RNF212: variants seen among roughly 807,000 people sequenced by gnomAD.
The protein encoded by RNF212 is probable E3 SUMO-protein ligase RNF212.
RNF212 carries 33 observed loss-of-function variants against 34.7 expected under a neutral mutation model. The observed-to-expected ratio is 0.95, with a 90% CI of 0.72 to 1.27. The LOEUF (loss-of-function observed/expected upper bound fraction) is 1.27, where lower values mean the gene tolerates loss of function less well. RNF212 is among the 50% of genes most tolerant of loss of function. RNF212 has a pLI of 0.00. For synonymous variants in RNF212, 140 were observed against 136.1 expected (o/e 1.03, Z -0.20); for missense variants, 377 against 362.2 (o/e 1.04, Z -0.33).
intron 1 of RNF212, among the ~76,000 whole-genome samples, chr4:1,111,295 G>T (rs1162087881): frequency 3.3e-5 from 5 of 152,052 alleles, no homozygotes; most frequent in Non-Finnish European, 7.4e-5. Context: ...CAATATCTAG[G>T]ATTATAGGAT....
chr4:1,113,522 G>A lies in RNF212; in HGVS notation c.-58C>T. On this transcript the variant is annotated 5_prime_UTR_variant, in exon 1 of 10. Coordinates refer to ENST00000433731, the MANE Select transcript of RNF212 (RefSeq NM_001131034.4). ...CCCACGCGAAGCCCACGCAAGGTTG[G>A]GACCAGCCTCCCCGCGCAGGGCCCG... is the stretch of plus-strand genomic sequence containing the variant. 1 of 1,445,496 alleles carries A rather than the reference G, an allele frequency of 6.9e-7. No individual in the cohort carries two copies. The highest frequency in any genetic ancestry group is 9.5e-7 in the Non-Finnish European group (1 of 1,047,586). The allele number at this position is 1,445,496 out of a possible 1,614,324, so 89.5% of individuals were successfully genotyped here.
chr4:1,075,620 T>A (rs1307748930), intron 8 of RNF212, among the ~76,000 whole-genome samples: 2 of 152,230 alleles, frequency 1.3e-5, no homozygotes, highest in African/African-American at 4.8e-5. Flanking sequence ...TAATTCCACA[T>A]GAGATTCGGG....
At chr4:1,097,989 C>T (rs1256227002) in intron 2 of RNF212, among the ~76,000 whole-genome samples, 7 of 152,192 alleles carry the variant, frequency 4.6e-5, no homozygotes, top group African/African-American at 7.2e-5. Flanking sequence ...CGCTTGAACC[C>T]GGGAGGTGGA....
At chr4:1,079,878 G>A (rs1019714010) in intron 7 of RNF212, among the ~76,000 whole-genome samples, 190 bp from the exon 8 acceptor site, 2 of 152,336 alleles carry the variant, frequency 1.3e-5, no homozygotes, top group African/African-American at 2.4e-5. Context: ...GCCACCCGCC[G>A]TCTGTACTGG....
intron 8 of RNF212, among the ~76,000 whole-genome samples, chr4:1,076,080 G>C (rs1033046219): frequency 9.2e-5 from 14 of 152,192 alleles, no homozygotes; most frequent in African/African-American, 3.4e-4. Flanking sequence ...AAAATGCCAT[G>C]CTCATTTAAG....
Position 1,096,777 on chromosome 4 carries a change from C to A in RNF212, c.234G>T (p.Arg78Ser). ...CCTCACAGCTCACCTGGGAGGTTTC[C>A]CTGGAGTACTTCTTACACAGACTGT... ...SIDSLCKKYSRETSQILEFQE... is the reference protein window; with the variant it reads ...SIDSLCKKYSSETSQILEFQE... The change falls in exon 3 of 10, where the codon AGG becomes AGT. Residue 78 changes from arginine to serine, a missense_variant. Physicochemically the swap from Arg to Ser is moderately radical, Grantham distance 110 (BLOSUM62 -1). Coordinates refer to ENST00000433731, the MANE Select transcript of RNF212 (RefSeq NM_001131034.4). 6.2e-7 allele frequency: 1 copy of A among 1,613,576 alleles called. No homozygotes were observed. The highest frequency in any genetic ancestry group is 8.5e-7 in the Non-Finnish European group (1 of 1,179,450).
chr4:1,079,534 CAA>C, intron 8 of RNF212, 107 bp downstream of exon 8: 1 of 812,734 alleles, frequency 1.2e-6, no homozygotes, highest in Admixed American at 1.7e-5. Flanking sequence ...CAGCACTGTG[CAA>C]AGTCTGTCTA....
chr4:1,091,620 C>T (rs911329228), intron 3 of RNF212, among the ~76,000 whole-genome samples: 1 of 152,164 alleles, frequency 6.6e-6, no homozygotes, highest in Non-Finnish European at 1.5e-5. Context: ...GCCTTGTCTG[C>T]CCATGGCTCA....
rs1272940733 is a variant in RNF212 at position 1,058,348 on chromosome 4, C to T, written n.193G>A. ...GAGAGGCTTTCCCATGCTCCTCTGA[C>T]TCGTTGTCAGGCCGGGATGCTCGGG... On this transcript the variant is annotated non_coding_transcript_exon_variant, in exon 4 of 5. Transcript: ENST00000503206. 38 of 982,844 alleles carry T rather than the reference C, an allele frequency of 3.9e-5. 4 individuals carry two copies. Among genetic ancestry groups the T allele is most frequent in the Non-Finnish European group, 4.1e-5 (34 of 827,646 alleles). The allele number at this position is 982,844 out of a possible 1,614,324, so 60.9% of individuals were successfully genotyped here.
In RNF212 at chr4:1,091,683, C is replaced by T. The variant is rs1245846850; in HGVS notation, c.247-845G>A. On this transcript the variant is annotated intron_variant, in intron 3 of 9. Coordinates refer to ENST00000433731, the MANE Select transcript of RNF212 (RefSeq NM_001131034.4). ...TTCTTCCCTCCTGTGGAAAGACAGG[C>T]CCAGCACATGCCAGGCCTTTGTTCC... Among the ~76,000 whole-genome samples, 7 of 152,234 alleles carry T rather than the reference C, an allele frequency of 4.6e-5. No individual in the cohort carries two copies. The East Asian group carries it at 9.6e-4, about 21-fold the overall frequency.
At chr4:1,102,853 A>C (rs1172212679) in intron 2 of RNF212, among the ~76,000 whole-genome samples, 2 of 151,258 alleles carry the variant, frequency 1.3e-5, no homozygotes, top group African/African-American at 4.9e-5. Context: ...CTCCGTCTCA[A>C]AAAAAAGGCC....
intron 2 of RNF212, among the ~76,000 whole-genome samples, chr4:1,107,615 A>G (rs1476523760): frequency 6.6e-6 from 1 of 150,710 alleles, no homozygotes; most frequent in Non-Finnish European, 1.5e-5. Flanking sequence ...ACGCCCAACT[A>G]ATTTTTTTGT....
chr4:1,107,879 A>T (rs1238876712), intron 2 of RNF212, among the ~76,000 whole-genome samples: 1 of 152,276 alleles, frequency 6.6e-6, no homozygotes, highest in Non-Finnish European at 1.5e-5. Context: ...TTTGGAGATC[A>T]GGCAGAGAAA....
chr4:1,107,642 G>C (rs551667441), intron 2 of RNF212, among the ~76,000 whole-genome samples: 22 of 151,982 alleles, frequency 1.4e-4, no homozygotes, highest in African/African-American at 5.3e-4. Context: ...AGTAGAGATG[G>C]GGTTTCACTG....
At chr4:1,092,126 T>C (rs1722279824) in intron 3 of RNF212, among the ~76,000 whole-genome samples, 1 of 152,242 alleles carries the variant, frequency 6.6e-6, no homozygotes, top group South Asian at 2.1e-4. Flanking sequence ...CATTCCACCC[T>C]GCAGGCAAGC....
In RNF212 at chr4:1,096,832, G is replaced by C. The variant is rs140128337; in HGVS notation, c.179C>G (p.Ala60Gly). Reference sequence around the variant, plus strand: ...GCTCATGAAGAATGCCTGGATATCTGCGTCGGTCTGAAAGAGAAAGAAATG... The same window carrying C: ...GCTCATGAAGAATGCCTGGATATCTCCGTCGGTCTGAAAGAGAAAGAAATG... ...RTVLLSKHTDADIQAFFMSID... is the reference protein window; with the variant it reads ...RTVLLSKHTDGDIQAFFMSID... The change falls in exon 3 of 10, where the codon GCA (alanine) becomes GGA (glycine). Residue 60 changes from alanine to glycine, a missense_variant. Ala to Gly is a moderately conservative substitution (Grantham distance 60). Coordinates refer to ENST00000433731, the MANE Select transcript of RNF212 (RefSeq NM_001131034.4). 1 of 1,610,436 alleles carries C rather than the reference G, an allele frequency of 6.2e-7. No homozygotes were observed. The highest frequency in any genetic ancestry group is 1.1e-5 in the South Asian group (1 of 91,000).
At chr4:1,064,871 T>C (rs7669622) in intron 3 of RNF212, among the ~76,000 whole-genome samples, 123,488 of 152,246 alleles carry the variant, frequency 0.81, 50,794 homozygotes, top group African/African-American at 0.94. Context: ...TCTTGACTAC[T>C]TCACACACAT....
intron 2 of RNF212, chr4:1,100,056 A>G: frequency 5.5e-6 from 2 of 363,452 alleles, no homozygotes; most frequent in Admixed American, 3.5e-5. Flanking sequence ...TACTGGCTAC[A>G]GCACGATACT....
intron 4 of RNF212, 82 bp from the exon 5 acceptor site, chr4:1,086,036 A>C (rs1388094117): frequency 1.9e-6 from 2 of 1,028,176 alleles, no homozygotes; most frequent in Admixed American, 1.7e-5. Flanking sequence ...TAAACCTTGA[A>C]TCAGAATGTG....
Sources: gnomAD v4.1 joint callset for allele counts (sites outside exome capture counted in the v4.1 genomes callset) on GRCh38, gnomAD v4.1.1 for gene constraint, MANE v1.5 for transcripts, NCBI Gene and HGNC (gene_info 2026-07-23, HGNC 2026-07-21) for gene names.